The following LARGE1 variants were observed in gnomAD, a reference collection of about 807,000 sequenced individuals.
LARGE1 encodes the protein LARGE xylosyl- and glucuronyltransferase 1.
A neutral mutation model predicts 87.6 loss-of-function variants in LARGE1; 43 were observed. The ratio of observed to expected loss-of-function variants is 0.49; its 90% CI spans 0.38 to 0.63. The LOEUF (loss-of-function observed/expected upper bound fraction) is 0.63. Ranked by LOEUF, LARGE1 falls within the 30% of genes least tolerant of loss-of-function variation. The probability of loss-of-function intolerance (pLI) is 0.00; values close to 1 mark genes in which losing one functional copy is unlikely to be tolerated. For synonymous variants in LARGE1, 434 were observed against 394.6 expected, an observed-to-expected ratio of 1.10 and a Z score of -1.18; for missense variants, 802 against 1,000.2, an observed-to-expected ratio of 0.80 and a Z score of 2.67.
At chr22:33,556,538 A>G (rs192572673) in intron 6 of LARGE1, among the ~76,000 whole-genome samples, 35,531 of 72,028 alleles carry the variant, frequency 0.49, 7,676 homozygotes, top group Admixed American at 0.57. Context: ...GAGGGAGGGA[A>G]GGAGGGAGGG....
exon 12 of LARGE1, chr22:33,162,243 G>A (rs1001524113): frequency 2.0e-5 from 3 of 152,218 alleles, no homozygotes; most frequent in African/African-American, 4.8e-5. Context: ...AAAGAAAAGA[G>A]GTTTAATTGA....
chr22:33,640,037 G>A lies in LARGE1; in HGVS notation c.408+10330C>T, dbSNP rs116198099. On this transcript the variant is annotated intron_variant, in intron 3 of 14. Transcript: ENST00000397394. Reference sequence around the variant, plus strand: ...CTTTTCGGAGCCCAGAGAAGTTTCCGCAACACCCACAGATGGTGGCAGCAT... The same window carrying A: ...CTTTTCGGAGCCCAGAGAAGTTTCCACAACACCCACAGATGGTGGCAGCAT... Among the ~76,000 whole-genome samples, 541 of 152,266 alleles carry A rather than the reference G, an allele frequency of 3.6e-3. 1 individual carries two copies. The highest frequency in any genetic ancestry group is 0.012 in the African/African-American group (506 of 41,550).
chr22:33,626,166 T>C, intron 4 of LARGE1, 78 bp downstream of exon 4: 1 of 1,312,232 alleles, frequency 7.6e-7, no homozygotes, highest in Non-Finnish European at 1.1e-6. Context: ...ATTTTGCTCC[T>C]ATTTAACCCT....
At chr22:33,369,217 T>C (rs1055337662) in intron 9 of LARGE1, among the ~76,000 whole-genome samples, 2 of 152,232 alleles carry the variant, frequency 1.3e-5, no homozygotes, top group Non-Finnish European at 2.9e-5. Context: ...CAATGAACAT[T>C]ACCAAAATGT....
chr22:33,854,435 A>C (rs1257047914), intron 1 of LARGE1, among the ~76,000 whole-genome samples: 1 of 152,124 alleles, frequency 6.6e-6, no homozygotes, highest in Non-Finnish European at 1.5e-5. Flanking sequence ...ACCTTTCACC[A>C]TCGGCTCACA....
intron 6 of LARGE1, among the ~76,000 whole-genome samples, chr22:33,545,419 A>AAC (rs55754949): frequency 0.064 from 9,203 of 143,902 alleles, 289 homozygotes; most frequent in Middle Eastern, 0.094. Flanking sequence ...ACACCCAGCT[A>AAC]ACACACACAC....
downstream of LARGE1, among the ~76,000 whole-genome samples, chr22:33,272,027 G>A (rs1352202081): frequency 6.6e-6 from 1 of 152,218 alleles, no homozygotes; most frequent in Non-Finnish European, 1.5e-5. Flanking sequence ...CGATTTAGAT[G>A]ACAAATTACA....
At chr22:33,681,026 T>C (rs2081752797) in intron 2 of LARGE1, among the ~76,000 whole-genome samples, 1 of 149,458 alleles carries the variant, frequency 6.7e-6, no homozygotes, top group Non-Finnish European at 1.5e-5. Context: ...CACTTATTTT[T>C]TTCTTGTTAA....
intron 6 of LARGE1, among the ~76,000 whole-genome samples, chr22:33,496,611 G>T (rs528306419): frequency 2.0e-5 from 3 of 152,098 alleles, no homozygotes; most frequent in African/African-American, 7.2e-5. Context: ...TTCTGTTTAC[G>T]CTATGTTGTT....
At chr22:33,082,660 AAATGCATGGG>A in the LARGE1 span, among the ~76,000 whole-genome samples, 1 of 152,208 alleles carries the variant, frequency 6.6e-6, no homozygotes, top group African/African-American at 2.4e-5. Flanking sequence ...CTGAAAAACC[AAATGCATGGG>A]AATGATTTCA....
intron 1 of LARGE1, among the ~76,000 whole-genome samples, chr22:33,763,936 G>A (rs1041081668): frequency 2.4e-5 from 3 of 125,050 alleles, no homozygotes; most frequent in Admixed American, 2.0e-4. Context: ...TGCAACCTCC[G>A]CCTCCCATGT....
chr22:33,235,266 T>C (rs1926195867), intron 11 of LARGE1, among the ~76,000 whole-genome samples: 1 of 152,030 alleles, frequency 6.6e-6, no homozygotes, highest in African/African-American at 2.4e-5. Context: ...AGTAGACAAA[T>C]ACATAAAGAA....
chr22:33,450,252 T>G (rs62225300), intron 6 of LARGE1, among the ~76,000 whole-genome samples: 50,279 of 151,818 alleles, frequency 0.33, 9,041 homozygotes, highest in African/African-American at 0.46. Context: ...CAGCATCACA[T>G]CACAGGAATC....
At chr22:33,835,218 C>T (rs2063078163) in intron 1 of LARGE1, among the ~76,000 whole-genome samples, 1 of 152,154 alleles carries the variant, frequency 6.6e-6, no homozygotes, top group African/African-American at 2.4e-5. Flanking sequence ...TATTTTACTG[C>T]TAGAGAAGCA....
At chr22:33,617,458 C>A (rs1484268059) in intron 4 of LARGE1, among the ~76,000 whole-genome samples, 1 of 152,148 alleles carries the variant, frequency 6.6e-6, no homozygotes, top group Non-Finnish European at 1.5e-5. Flanking sequence ...GAGAATTTCG[C>A]CAACTGCAGA....
chr22:33,183,620 G>GCGCACACACACA (rs1258347691), intron 11 of LARGE1, among the ~76,000 whole-genome samples: 2 of 137,920 alleles, frequency 1.5e-5, no homozygotes, highest in Middle Eastern at 3.9e-3. Context: ...ACACACACAC[G>GCGCACACACACA]CACACACACA....
At chr22:33,633,199 T>G (rs570701587) in intron 3 of LARGE1, among the ~76,000 whole-genome samples, 1 of 152,230 alleles carries the variant, frequency 6.6e-6, no homozygotes, top group East Asian at 1.9e-4. Flanking sequence ...GGCAATTTGA[T>G]AGTTAACCAG....
intron 4 of LARGE1, among the ~76,000 whole-genome samples, chr22:33,621,927 T>C (rs1364876739): frequency 1.3e-5 from 2 of 152,190 alleles, no homozygotes; most frequent in African/African-American, 4.8e-5. Context: ...TGTTCTGAAC[T>C]GGAGAATCCA....
At chr22:33,223,949 C>T (rs1159615849) in intron 11 of LARGE1, among the ~76,000 whole-genome samples, 1 of 152,206 alleles carries the variant, frequency 6.6e-6, no homozygotes, top group Admixed American at 6.5e-5. Context: ...ATGCTCACAG[C>T]CACCTCTATG....
Sources: gnomAD v4.1 joint callset for allele counts (sites outside exome capture counted in the v4.1 genomes callset) on GRCh38, gnomAD v4.1.1 for gene constraint, MANE v1.5 for transcripts, NCBI Gene and HGNC (gene_info 2026-07-23, HGNC 2026-07-21) for gene names.